The following RBFOX1 variants were observed in gnomAD, a reference collection of about 807,000 sequenced individuals.
RBFOX1 encodes RNA binding protein fox-1 homolog 1.
A neutral mutation model predicts 57.7 loss-of-function variants in RBFOX1; 8 were observed. That is an observed-to-expected ratio of 0.14 (90% confidence interval 0.08 to 0.25). The LOEUF (loss-of-function observed/expected upper bound fraction) is 0.25. Ranked by LOEUF, RBFOX1 falls within the 10% of genes least tolerant of loss-of-function variation. RBFOX1 has a pLI of 1.00. For synonymous variants in RBFOX1, 326 were observed against 222.4 expected (o/e 1.47, Z -4.15); for missense variants, 611 against 548.5 (o/e 1.11, Z -1.14).
At chr16:6,807,592 C>T (rs1377393327) in intron 3 of RBFOX1, among the ~76,000 whole-genome samples, 1 of 152,004 alleles carries the variant, frequency 6.6e-6, no homozygotes, top group East Asian at 1.9e-4. Context: ...CTGAGGCAGG[C>T]AGATCACAAG....
chr16:6,922,374 A>G (rs1461720753), intron 3 of RBFOX1, among the ~76,000 whole-genome samples: 1 of 152,210 alleles, frequency 6.6e-6, no homozygotes, highest in African/African-American at 2.4e-5. Flanking sequence ...AGCCCACTAA[A>G]GAACATCTGC....
intron 3 of RBFOX1, among the ~76,000 whole-genome samples, chr16:6,963,027 G>A (rs1427767800): frequency 6.6e-6 from 1 of 152,082 alleles, no homozygotes; most frequent in Non-Finnish European, 1.5e-5. Flanking sequence ...TGTAAACCTT[G>A]GATTTGAAAC....
chr16:6,346,497 A>G (rs917646391), intron 2 of RBFOX1, among the ~76,000 whole-genome samples: 1 of 142,706 alleles, frequency 7.0e-6, no homozygotes, highest in South Asian at 2.3e-4. Flanking sequence ...TGTTCCAACG[A>G]GGCAAGGCTG....
chr16:7,105,262 C>G (rs1005363449), intron 4 of RBFOX1, among the ~76,000 whole-genome samples: 27 of 149,942 alleles, frequency 1.8e-4, no homozygotes, highest in Non-Finnish European at 3.4e-4. Context: ...AATCCTTAAT[C>G]TTTTTCTCTG....
At chr16:6,751,745 C>A (rs911923196) in intron 3 of RBFOX1, among the ~76,000 whole-genome samples, 3 of 152,138 alleles carry the variant, frequency 2.0e-5, no homozygotes, top group African/African-American at 2.4e-5. Flanking sequence ...AGGAATTGAA[C>A]CTGCGTTGTT....
intron 11 of RBFOX1, among the ~76,000 whole-genome samples, chr16:7,640,259 G>A (rs1028700290): frequency 6.6e-6 from 1 of 152,200 alleles, no homozygotes; most frequent in Non-Finnish European, 1.5e-5. Flanking sequence ...ACCACTAGTA[G>A]AACCTCTCAC....
intron 4 of RBFOX1, among the ~76,000 whole-genome samples, chr16:7,184,909 A>G (rs1175803961): frequency 1.3e-5 from 2 of 152,100 alleles, no homozygotes; most frequent in Non-Finnish European, 2.9e-5. Context: ...TAACCATAAT[A>G]ATGCTTACTT....
intron 3 of RBFOX1, chr16:6,983,561 A>G (rs2089511883): frequency 6.6e-6 from 1 of 151,988 alleles, no homozygotes; most frequent in African/African-American, 2.4e-5. Context: ...TGGTGTGAAC[A>G]TGTTTCTAGT....
At chr16:6,722,494 T>A (rs1393883491) in intron 3 of RBFOX1, among the ~76,000 whole-genome samples, 1 of 145,094 alleles carries the variant, frequency 6.9e-6, no homozygotes, top group Non-Finnish European at 1.5e-5. Flanking sequence ...ATTGATGGAA[T>A]ATTTACCATG....
At chr16:6,833,049 T>C (rs58495243) in intron 3 of RBFOX1, among the ~76,000 whole-genome samples, 31,846 of 152,066 alleles carry the variant, frequency 0.21, 4,282 homozygotes, top group East Asian at 0.52. Context: ...CTTATTCAAA[T>C]ATTTCAGGCT....
intron 2 of RBFOX1, among the ~76,000 whole-genome samples, chr16:6,545,900 C>A (rs968457748): frequency 6.6e-6 from 1 of 152,172 alleles, no homozygotes; most frequent in African/African-American, 2.4e-5. Context: ...GCCTAAAGCT[C>A]TTTCAACTTG....
chr16:5,395,839 C>T (rs542928322), intron 1 of RBFOX1, among the ~76,000 whole-genome samples: 1 of 152,348 alleles, frequency 6.6e-6, no homozygotes, highest in East Asian at 1.9e-4. Context: ...TGTAGCAAGG[C>T]ACTGTGGGCA....
chr16:5,894,345 C>A (rs2058110216), intron 4 of RBFOX1, among the ~76,000 whole-genome samples: 3 of 152,154 alleles, frequency 2.0e-5, no homozygotes, highest in Non-Finnish European at 4.4e-5. Flanking sequence ...TGCAGTGGCA[C>A]AGTTTTGGCT....
chr16:6,703,675 C>G (rs1176084200), intron 3 of RBFOX1, among the ~76,000 whole-genome samples: 4 of 151,992 alleles, frequency 2.6e-5, no homozygotes, highest in Non-Finnish European at 5.9e-5. Context: ...CCACTGCACT[C>G]CAGCCTGGAT....
intron 1 of RBFOX1, among the ~76,000 whole-genome samples, chr16:5,252,327 T>C (rs1428068302): frequency 6.6e-6 from 1 of 152,212 alleles, no homozygotes; most frequent in Admixed American, 6.5e-5. Context: ...TAACCATTTC[T>C]TTGGGGGGCA....
chr16:6,302,129 C>G (rs982706471), intron 1 of RBFOX1, among the ~76,000 whole-genome samples: 1 of 152,026 alleles, frequency 6.6e-6, no homozygotes, highest in Non-Finnish European at 1.5e-5. Context: ...TATTTCTTAC[C>G]TGAAATCATG....
chr16:6,938,879 C>T (rs1181504974), intron 3 of RBFOX1, among the ~76,000 whole-genome samples: 1 of 152,110 alleles, frequency 6.6e-6, no homozygotes, highest in African/African-American at 2.4e-5. Context: ...TAGCAGTGAG[C>T]CGAGATTGCA....
intron 3 of RBFOX1, among the ~76,000 whole-genome samples, chr16:6,900,497 A>G (rs1312554644): frequency 1.3e-5 from 2 of 152,198 alleles, no homozygotes; most frequent in Non-Finnish European, 2.9e-5. Flanking sequence ...ACACGATTGC[A>G]TGGCCTTGGA....
At chr16:5,718,007 A>G (rs937336318) in intron 3 of RBFOX1, among the ~76,000 whole-genome samples, 2 of 152,228 alleles carry the variant, frequency 1.3e-5, no homozygotes, top group African/African-American at 2.4e-5. Context: ...TCATGACCTC[A>G]TGATGAGCAG....
Sources: allele counts gnomAD v4.1 joint callset (sites outside exome capture counted in the v4.1 genomes callset), GRCh38; gene constraint gnomAD v4.1.1; transcripts MANE v1.5; gene names NCBI Gene and HGNC (gene_info 2026-07-23, HGNC 2026-07-21).